XYLT1: variants seen among roughly 807,000 people sequenced by gnomAD.
XYLT1 encodes beta-D-xylosyltransferase 1.
In XYLT1, 36 loss-of-function variants were observed where a neutral mutation model predicts 91.3. The observed-to-expected ratio is 0.39, with a 90% CI of 0.30 to 0.52. The LOEUF (loss-of-function observed/expected upper bound fraction) is 0.52. Among genes scored for constraint, XYLT1 ranks in the 20% least tolerant of loss-of-function variants. The probability of loss-of-function intolerance (pLI) is 0.68; values close to 1 mark genes in which losing one functional copy is unlikely to be tolerated. For missense variants in XYLT1, 1,242 were observed against 1,284.5 expected, an observed-to-expected ratio of 0.97 and a Z score of 0.51; for synonymous variants, 588 against 532.0, an observed-to-expected ratio of 1.11 and a Z score of -1.45.
intron 1 of XYLT1, among the ~76,000 whole-genome samples, chr16:17,366,695 A>AAAAC (rs761644779): frequency 2.2e-4 from 34 of 152,266 alleles, no homozygotes; most frequent in South Asian, 1.2e-3. Context: ...ACCGTGTCTT[A>AAAAC]AAACAAACAA....
chr16:17,257,469 C>T (rs566469090), intron 3 of XYLT1, among the ~76,000 whole-genome samples: 5 of 152,168 alleles, frequency 3.3e-5, no homozygotes, highest in African/African-American at 7.2e-5. Flanking sequence ...ACTGAGCAAA[C>T]GAATTCACAA....
At chr16:17,458,021 T>G (rs2036767287) in intron 1 of XYLT1, among the ~76,000 whole-genome samples, 1 of 152,230 alleles carries the variant, frequency 6.6e-6, no homozygotes, top group Admixed American at 6.5e-5. Context: ...AGTCTGGTTT[T>G]AATACTATCC....
intron 3 of XYLT1, among the ~76,000 whole-genome samples, chr16:17,231,109 G>A (rs2033151069): frequency 6.6e-6 from 1 of 152,192 alleles, no homozygotes; most frequent in Admixed American, 6.5e-5. Context: ...TTCACGCATT[G>A]CTTCTTGGAG....
chr16:17,430,869 G>A (rs1392689575), intron 1 of XYLT1, among the ~76,000 whole-genome samples: 1 of 152,154 alleles, frequency 6.6e-6, no homozygotes, highest in Non-Finnish European at 1.5e-5. Context: ...CTAAGAGATA[G>A]TATCTAAAGT....
At chr16:17,470,960 T>TTTTCA (rs2036987135), upstream of XYLT1, 2 of 13,712 alleles carry the variant, frequency 1.5e-4, no homozygotes, top group Non-Finnish European at 2.9e-4. Context: ...GAGGGGAGGG[T>TTTTCA]GATGGGGAAG....
intron 1 of XYLT1, among the ~76,000 whole-genome samples, chr16:17,375,820 C>A (rs537548103): frequency 1.2e-4 from 19 of 152,322 alleles, no homozygotes; most frequent in African/African-American, 4.6e-4. Context: ...TTCCGGAGCC[C>A]GGCCTTTCAC....
At chr16:17,399,572 C>T (rs1214411623) in intron 1 of XYLT1, among the ~76,000 whole-genome samples, 1 of 152,216 alleles carries the variant, frequency 6.6e-6, no homozygotes. Flanking sequence ...CATCATGCCC[C>T]GGTTGCACAG....
intron 1 of XYLT1, among the ~76,000 whole-genome samples, chr16:17,448,198 T>A (rs1239150385): frequency 1.3e-5 from 2 of 152,138 alleles, no homozygotes; most frequent in African/African-American, 4.8e-5. Context: ...TGAAACCCCA[T>A]CTCTACTAAA....
At chr16:17,222,856 C>G (rs1252284050) in intron 3 of XYLT1, among the ~76,000 whole-genome samples, 14 of 149,080 alleles carry the variant, frequency 9.4e-5, no homozygotes, top group Admixed American at 7.4e-4. Context: ...GGCAGTATTT[C>G]AGTATTTTCA....
intron 1 of XYLT1, among the ~76,000 whole-genome samples, chr16:17,390,573 T>C (rs1425088600): frequency 6.6e-6 from 1 of 152,246 alleles, no homozygotes; most frequent in Non-Finnish European, 1.5e-5. Context: ...AGGTCTGATC[T>C]AACCAACCCC....
At chr16:17,435,527 G>A (rs1267122235) in intron 1 of XYLT1, among the ~76,000 whole-genome samples, 5 of 152,118 alleles carry the variant, frequency 3.3e-5, no homozygotes, top group Non-Finnish European at 7.3e-5. Context: ...GCTATTTCAG[G>A]CTCTGTCCCT....
At chr16:17,415,280 T>G (rs1461131356) in intron 1 of XYLT1, among the ~76,000 whole-genome samples, 1 of 152,168 alleles carries the variant, frequency 6.6e-6, no homozygotes. Context: ...GAGTGCCTAC[T>G]GTATGCGAAG....
At chr16:17,430,959 T>C (rs2036382955) in intron 1 of XYLT1, among the ~76,000 whole-genome samples, 1 of 151,964 alleles carries the variant, frequency 6.6e-6, no homozygotes, top group African/African-American at 2.4e-5. Context: ...AAATGCAAAA[T>C]GAGAAAAGCT....
At chr16:17,429,181 C>A (rs8050543) in intron 1 of XYLT1, among the ~76,000 whole-genome samples, 16,024 of 152,266 alleles carry the variant, frequency 0.11, 980 homozygotes, top group Middle Eastern at 0.16. Flanking sequence ...CCATCCTTAA[C>A]TGGAGATAAT....
At chr16:17,435,051 G>C (rs886711126) in intron 1 of XYLT1, among the ~76,000 whole-genome samples, 2 of 152,198 alleles carry the variant, frequency 1.3e-5, no homozygotes, top group African/African-American at 2.4e-5. Context: ...CTCTTTCTTG[G>C]CAGGGCTGGA....
At chr16:17,120,141 G>A (rs1368510550) in intron 10 of XYLT1, among the ~76,000 whole-genome samples, 1 of 152,174 alleles carries the variant, frequency 6.6e-6, no homozygotes, top group East Asian at 1.9e-4. Context: ...ACCCTCCAGT[G>A]CCTAGCATAG....
At chr16:17,378,774 G>C (rs2035634404) in intron 1 of XYLT1, among the ~76,000 whole-genome samples, 1 of 152,206 alleles carries the variant, frequency 6.6e-6, no homozygotes, top group Non-Finnish European at 1.5e-5. Flanking sequence ...TGCAGAACCA[G>C]TAAGAGGCTG....
chr16:17,248,258 T>C (rs769806787), intron 3 of XYLT1, among the ~76,000 whole-genome samples: 5 of 152,218 alleles, frequency 3.3e-5, no homozygotes, highest in African/African-American at 9.6e-5. Context: ...CCTTCCGCCA[T>C]GATTTTGAGG....
At chr16:17,407,315 A>T (rs1230544543) in intron 1 of XYLT1, among the ~76,000 whole-genome samples, 1 of 152,150 alleles carries the variant, frequency 6.6e-6, no homozygotes, top group East Asian at 1.9e-4. Context: ...TTCTTATTTT[A>T]AAAATTTATA....
Sources: allele counts gnomAD v4.1 joint callset (sites outside exome capture counted in the v4.1 genomes callset), GRCh38; gene constraint gnomAD v4.1.1; transcripts MANE v1.5; gene names NCBI Gene and HGNC (gene_info 2026-07-23, HGNC 2026-07-21).